Variants in PDE1A observed in about 807,000 individuals in gnomAD.
PDE1A encodes the protein dual specificity calcium/calmodulin-dependent 3',5'-cyclic nucleotide phosphodiesterase 1A.
PDE1A carries 35 observed loss-of-function variants against 61.7 expected under a neutral mutation model. The ratio of observed to expected loss-of-function variants is 0.57; its 90% CI spans 0.43 to 0.75. The LOEUF is 0.75. Ranked by LOEUF, PDE1A falls within the 30% of genes least tolerant of loss-of-function variation. The probability of loss-of-function intolerance (pLI) is 0.00; values close to 1 mark genes in which losing one functional copy is unlikely to be tolerated. For synonymous variants in PDE1A, 232 were observed against 213.2 expected (o/e 1.09, Z -0.77); for missense variants, 597 against 630.6 (o/e 0.95, Z 0.57).
chr2:182,269,043 G>T (rs1289799777), intron 1 of PDE1A, among the ~76,000 whole-genome samples: 1 of 151,860 alleles, frequency 6.6e-6, no homozygotes, highest in Non-Finnish European at 1.5e-5. Context: ...TAAATTAGTA[G>T]ACAAAAATGT....
chr2:182,504,434 C>T (rs1162223495), intron 2 of PDE1A, among the ~76,000 whole-genome samples: 1 of 152,038 alleles, frequency 6.6e-6, no homozygotes, highest in Non-Finnish European at 1.5e-5. Context: ...AACAAGAAAT[C>T]ATTTTTAGTA....
chr2:182,394,670 G>A (rs1368460927), intron 1 of PDE1A, among the ~76,000 whole-genome samples: 1 of 152,146 alleles, frequency 6.6e-6, no homozygotes, highest in Non-Finnish European at 1.5e-5. Flanking sequence ...GTTAGTTCAG[G>A]TCTGAGTTAC....
chr2:182,186,291 GTATT>G, intron 12 of PDE1A, among the ~76,000 whole-genome samples, 173 bp downstream of exon 12: 1 of 152,056 alleles, frequency 6.6e-6, no homozygotes, highest in Admixed American at 6.6e-5. Context: ...CATATTTTGT[GTATT>G]AAACTTCAGT....
the PDE1A span, among the ~76,000 whole-genome samples, chr2:182,711,249 A>C: frequency 6.6e-6 from 1 of 152,170 alleles, no homozygotes; most frequent in African/African-American, 2.4e-5. Flanking sequence ...TAGCGGGGCA[A>C]TCACACAGGG....
intron 1 of PDE1A, among the ~76,000 whole-genome samples, chr2:182,424,723 C>G (rs919739190): frequency 6.6e-5 from 10 of 152,216 alleles, no homozygotes; most frequent in Admixed American, 6.5e-4. Context: ...TTATTTGAAT[C>G]TTTTAAGATA....
At chr2:182,531,719 A>G in the PDE1A span, among the ~76,000 whole-genome samples, 1 of 152,322 alleles carries the variant, frequency 6.6e-6, no homozygotes, top group Admixed American at 6.5e-5. Context: ...TTTTTAATAT[A>G]CTTTAAGCTC....
At chr2:182,151,731 T>G (rs17595927) in intron 13 of PDE1A, among the ~76,000 whole-genome samples, 40,736 of 152,170 alleles carry the variant, frequency 0.27, 6,386 homozygotes, top group Non-Finnish European at 0.34. Flanking sequence ...TTGTTCTTTT[T>G]GTATTTTTCT....
intron 10 of PDE1A, among the ~76,000 whole-genome samples, chr2:182,193,601 C>G (rs76981807): frequency 6.6e-6 from 1 of 152,004 alleles, no homozygotes; most frequent in Non-Finnish European, 1.5e-5. Context: ...TCTAATGACC[C>G]TTCTTTACTT....
chr2:182,609,386 C>A, the PDE1A span, among the ~76,000 whole-genome samples: 3 of 152,226 alleles, frequency 2.0e-5, no homozygotes, highest in African/African-American at 7.2e-5. Context: ...CCTCTAGAGT[C>A]CTTTTCTGCA....
intron 1 of PDE1A, among the ~76,000 whole-genome samples, chr2:182,270,726 TATATTA>T (rs1415863554): frequency 2.0e-5 from 3 of 151,216 alleles, no homozygotes; most frequent in Non-Finnish European, 4.4e-5. Flanking sequence ...ACCTATAATA[TATATTA>T]ATATTAACAT....
At chr2:182,284,005 C>A (rs1693995745) in intron 1 of PDE1A, among the ~76,000 whole-genome samples, 1 of 152,020 alleles carries the variant, frequency 6.6e-6, no homozygotes, top group Non-Finnish European at 1.5e-5. Flanking sequence ...CAAGTACATA[C>A]CTTCTTTTTC....
At chr2:182,200,015 C>G (rs1057069029) in intron 10 of PDE1A, among the ~76,000 whole-genome samples, 1 of 151,896 alleles carries the variant, frequency 6.6e-6, no homozygotes, top group Non-Finnish European at 1.5e-5. Context: ...GTCATCCAAA[C>G]ATAGTAATAT....
chr2:182,517,565 C>T (rs776955671), intron 2 of PDE1A, among the ~76,000 whole-genome samples: 4 of 152,290 alleles, frequency 2.6e-5, no homozygotes, highest in East Asian at 1.9e-4. Context: ...AGCTCTTGCA[C>T]TCAAAAGCTG....
chr2:182,183,729 A>G (rs930851445), intron 13 of PDE1A, among the ~76,000 whole-genome samples: 6 of 152,196 alleles, frequency 3.9e-5, no homozygotes, highest in African/African-American at 1.4e-4. Context: ...TGTTTTTAAA[A>G]TTAAAGAAAA....
At chr2:182,254,369 A>G (rs757010916) in intron 2 of PDE1A, among the ~76,000 whole-genome samples, 1 of 152,200 alleles carries the variant, frequency 6.6e-6, no homozygotes, top group Non-Finnish European at 1.5e-5. Context: ...ATTCAGAAAA[A>G]TCATTACTTG....
chr2:182,571,826 G>C, the PDE1A span, among the ~76,000 whole-genome samples: 1 of 152,006 alleles, frequency 6.6e-6, no homozygotes, highest in Non-Finnish European at 1.5e-5. Flanking sequence ...TATGCCAGCA[G>C]AATTCTAAAT....
At chr2:182,333,714 A>G (rs112117010) in intron 1 of PDE1A, among the ~76,000 whole-genome samples, 134 of 152,312 alleles carry the variant, frequency 8.8e-4, no homozygotes, top group African/African-American at 3.2e-3. Context: ...GCAGAAGACA[A>G]GAAATAATAA....
chr2:182,206,381 T>C (rs780579100), intron 7 of PDE1A, among the ~76,000 whole-genome samples: 24 of 152,190 alleles, frequency 1.6e-4, no homozygotes, highest in Non-Finnish European at 2.4e-4. Context: ...TTTGTTACAA[T>C]TGATGAACCT....
At chr2:182,486,486 G>A (rs558885135) in intron 2 of PDE1A, among the ~76,000 whole-genome samples, 62 of 152,042 alleles carry the variant, frequency 4.1e-4, no homozygotes, top group African/African-American at 1.1e-3. Flanking sequence ...ATCTAGAATA[G>A]CCAGAACAAT....
Sources: gnomAD v4.1 joint callset for allele counts (sites outside exome capture counted in the v4.1 genomes callset) on GRCh38, gnomAD v4.1.1 for gene constraint, MANE v1.5 for transcripts, NCBI Gene and HGNC (gene_info 2026-07-23, HGNC 2026-07-21) for gene names.